SPDYE5: variants seen among roughly 807,000 people sequenced by gnomAD.
SPDYE5 encodes speedy protein E5.
Under a neutral mutation model 48.5 loss-of-function variants are expected in SPDYE5, and 15 were observed. That is an observed-to-expected ratio of 0.31 (90% CI 0.21 to 0.48). The LOEUF (loss-of-function observed/expected upper bound fraction) is 0.48, where lower values mean the gene tolerates loss of function less well. Ranked by LOEUF, SPDYE5 falls within the 20% of genes least tolerant of loss-of-function variation. SPDYE5 has a pLI of 0.99. For synonymous variants in SPDYE5, 116 were observed against 200.7 expected (o/e 0.58, Z 3.57); for missense variants, 331 against 549.1 (o/e 0.60, Z 3.97).
intron 6 of SPDYE5, 100 bp from the exon 7 acceptor site, chr7:75,501,260 TGA>T: frequency 6.4e-7 from 1 of 1,561,304 alleles, no homozygotes; most frequent in South Asian, 1.2e-5. Flanking sequence ...GTGCCAGTCC[TGA>T]GCTAGGGACG....
At chr7:75,494,436 A>C (rs1197484408) in intron 2 of SPDYE5, among the ~76,000 whole-genome samples, 6 of 151,032 alleles carry the variant, frequency 4.0e-5, no homozygotes, top group Admixed American at 3.3e-4. Flanking sequence ...AATCCCAGCT[A>C]CTCAGGAGGC....
At chr7:75,498,899 C>A (rs1241048621) in intron 5 of SPDYE5, among the ~76,000 whole-genome samples, 3 of 151,820 alleles carry the variant, frequency 2.0e-5, no homozygotes, top group Admixed American at 1.3e-4. Flanking sequence ...AAGCTCCTGG[C>A]CCCTCTACTC....
At chr7:75,492,889 G>A (rs1792787976) in intron 1 of SPDYE5, among the ~76,000 whole-genome samples, 2 of 152,128 alleles carry the variant, frequency 1.3e-5, no homozygotes, top group Non-Finnish European at 2.9e-5. Context: ...TCTAACTCCT[G>A]GGCTCAAGTG....
Position 75,493,842 on chromosome 7 carries a change from T to C in SPDYE5, c.-206T>C. ...GAGATCAGCCTGGCAGTTACATGTGTTTTTTTTCAAACTGGTTGCCAGGTT... is the reference window on the plus strand; with the variant it reads ...GAGATCAGCCTGGCAGTTACATGTGCTTTTTTTCAAACTGGTTGCCAGGTT... On this transcript the variant is annotated 5_prime_UTR_variant, in exon 2 of 9. Coordinates refer to ENST00000625065, the MANE Select transcript of SPDYE5 (RefSeq NM_001306141.4). 9 of 1,438,894 alleles carry C rather than the reference T, an allele frequency of 6.3e-6. No individual in the cohort carries two copies. The highest frequency in any genetic ancestry group is 7.3e-6 in the Non-Finnish European group (8 of 1,101,962). 89.1% of individuals were successfully genotyped at this position (1,438,894 alleles called of 1,614,324 possible).
Position 75,503,428 on chromosome 7 carries a change from ATTTTC to A in SPDYE5, c.*647_*651del, listed in dbSNP as rs1265286975. The A allele has an allele frequency of 6.5e-6, 1 of 153,470 alleles. No individual in the cohort carries two copies. Among genetic ancestry groups the A allele is most frequent in the African/African-American group, 2.4e-5 (1 of 41,500 alleles). The allele number at this position is 153,470 out of a possible 1,614,324, so 9.5% of individuals were successfully genotyped here. A position where few individuals can be genotyped will look rare whatever the true frequency, so the allele number is the denominator to read the frequency against. ...TAGTTGTTATATATACATAAAGATA[ATTTTC>A]TTTTCATTTTTAAGAGACAATTCTT... On this transcript the variant is annotated 3_prime_UTR_variant, in exon 9 of 9. Coordinates refer to ENST00000625065, the MANE Select transcript of SPDYE5 (RefSeq NM_001306141.4).
In SPDYE5 at chr7:75,504,173, T is replaced by C. The variant is rs587645358; in HGVS notation, c.*1386T>C. On this transcript the variant is annotated 3_prime_UTR_variant, in exon 9 of 9. Coordinates refer to ENST00000625065, the MANE Select transcript of SPDYE5 (RefSeq NM_001306141.4). ...AATTCAGGTGTAATTTTTTACCTTG[T>C]TTTGGCATGTTTGTATGTTACTTTA... 1 of 152,288 alleles carries C rather than the reference T, an allele frequency of 6.6e-6. No individual in the cohort carries two copies. The highest frequency in any genetic ancestry group is 2.4e-5 in the African/African-American group (1 of 41,556). The allele number at this position is 152,288 out of a possible 1,614,324, so 9.4% of individuals were successfully genotyped here. A position where few individuals can be genotyped will look rare whatever the true frequency, so the allele number is the denominator to read the frequency against.
chr7:75,495,368 C>A lies in SPDYE5; in HGVS notation c.373C>A (p.Gln125Lys), dbSNP rs782308140. ...TGAGCACCACAAGGGCTTCAACAGT[C>A]AGCTTGGTAGGAGGACACCCCAGAG... Reference protein sequence around the residue: ...LPEHHKGFNSQLAPGVDPSPP... With the variant: ...LPEHHKGFNSKLAPGVDPSPP... The change falls in exon 3 of 9, where the codon CAG becomes AAG. Residue 125 changes from glutamine to lysine, a missense_variant. Gln to Lys is a moderately conservative substitution (Grantham distance 53, BLOSUM62 1). Around this residue, in one of 8 missense-constraint regions of SPDYE5, gnomAD observed 65 missense variants for 138.2 expected, o/e 0.47. Transcript: ENST00000625065. The A allele has an allele frequency of 3.1e-6, 5 of 1,597,484 alleles. No homozygotes were observed. Among genetic ancestry groups the A allele is most frequent in the Non-Finnish European group, 4.2e-6 (5 of 1,179,900 alleles).
upstream of SPDYE5, among the ~76,000 whole-genome samples, chr7:75,491,845 TG>T (rs1164684619): frequency 1.8e-4 from 27 of 151,200 alleles, no homozygotes; most frequent in African/African-American, 6.3e-4. Flanking sequence ...CCTAAGTAGC[TG>T]GGATTACAGA....
Position 75,494,150 on chromosome 7 carries a change from A to G in SPDYE5, c.103A>G (p.Ser35Gly). 1 of 1,535,302 alleles carries G rather than the reference A, an allele frequency of 6.5e-7. No homozygotes were observed. ...QPQNEQSPQR[S>G]TSGYPLQEVV... ...CCAGAATGAGCAGAGTCCCCAGCGG[A>G]GCACCTCGGGGTACCCCCTCCAGGA... The change falls in exon 2 of 9, where the codon AGC becomes GGC. Residue 35 changes from serine (S) to glycine (G), a missense_variant. Physicochemically the swap from Ser to Gly is moderately conservative, Grantham distance 56. Transcript: ENST00000625065.
chr7:75,501,390 G>A lies in SPDYE5; in HGVS notation c.784G>A (p.Asp262Asn), dbSNP rs1793148173. The change falls in exon 7 of 9, where the codon GAC becomes AAC. Residue 262 changes from aspartate (D) to asparagine (N), a missense_variant. By Grantham distance (23) the Asp-to-Asn change is conservative (BLOSUM62 1). Around this residue, in one of 8 missense-constraint regions of SPDYE5, gnomAD observed 70 missense variants for 87.6 expected, o/e 0.80. Coordinates refer to ENST00000625065, the MANE Select transcript of SPDYE5 (RefSeq NM_001306141.4). ...LYLANDMEED[D>N]EDSKQNIFHF... ...CCTGGCCAATGACATGGAGGAGGAC[G>A]ACGAGGACTCCAAACAAAACATCTT... The A allele has an allele frequency of 2.5e-6, 4 of 1,612,268 alleles. No individual in the cohort carries two copies. Among genetic ancestry groups the A allele is most frequent in the South Asian group, 2.2e-5 (2 of 91,004 alleles).
intron 8 of SPDYE5, among the ~76,000 whole-genome samples, chr7:75,502,367 G>T (rs1270442462): frequency 6.6e-6 from 1 of 151,946 alleles, no homozygotes; most frequent in Non-Finnish European, 1.5e-5. Flanking sequence ...TACATCTTGT[G>T]CAGCTAACCA....
chr7:75,499,032 C>A (rs1793045866), intron 5 of SPDYE5, among the ~76,000 whole-genome samples, 199 bp from the exon 6 acceptor site: 2 of 148,434 alleles, frequency 1.3e-5, no homozygotes, highest in Non-Finnish European at 3.0e-5. Flanking sequence ...CACCCAAAAC[C>A]CTTCCTCTGG....
chr7:75,492,939 G>A (rs1336931318), intron 1 of SPDYE5, among the ~76,000 whole-genome samples: 1 of 152,076 alleles, frequency 6.6e-6, no homozygotes, highest in Admixed American at 6.6e-5. Flanking sequence ...TGGAACACAG[G>A]TGCCAGCCAC....
At chr7:75,496,496 G>A (rs1356117881) in intron 3 of SPDYE5, among the ~76,000 whole-genome samples, 178 bp from the exon 4 acceptor site, 3 of 144,748 alleles carry the variant, frequency 2.1e-5, no homozygotes, top group African/African-American at 8.1e-5. Context: ...GGGAGAATGG[G>A]GAGGAGAAGG....
At chr7:75,502,310 G>T (rs1230697045) in intron 8 of SPDYE5, among the ~76,000 whole-genome samples, 1 of 149,878 alleles carries the variant, frequency 6.7e-6, no homozygotes, top group East Asian at 2.0e-4. Flanking sequence ...TATGATTGAT[G>T]CACTTGAGTT....
chr7:75,492,326 G>A lies in SPDYE5; in HGVS notation c.-537G>A, dbSNP rs1161012287. On this transcript the variant is annotated 5_prime_UTR_variant, in exon 1 of 9. An upstream start codon of the reference 5' UTR is lost. Coordinates refer to ENST00000625065, the MANE Select transcript of SPDYE5 (RefSeq NM_001306141.4). ...CAGAAAAGCAGAGCTTCCTAACAAT[G>A]GGACTTCCACAGCAATGGGATCTGC... Among the ~76,000 whole-genome samples, 1 of 152,070 alleles carries A rather than the reference G, an allele frequency of 6.6e-6. No homozygotes were observed. The highest frequency in any genetic ancestry group is 1.5e-5 in the Non-Finnish European group (1 of 68,028).
In SPDYE5 at chr7:75,499,765, T is replaced by TCAAA. The variant is rs1554483149; in HGVS notation, c.755+450_755+453dup. On this transcript the variant is annotated intron_variant, in intron 6 of 8. Transcript: ENST00000625065. ...CTGGGTGACAGAGTGAGACTTTTTC[T>TCAAA]CAAAAAAAAAAAAAAAAAAAAAAAA... Among the ~76,000 whole-genome samples the TCAAA allele has an allele frequency of 2.6e-3, 23 of 8,788 alleles. 7 individuals are homozygous for TCAAA. The highest frequency in any genetic ancestry group is 4.5e-3 in the Non-Finnish European group (18 of 4,040). The allele number at this position is 8,788 out of a possible 152,430, so 5.8% of individuals were successfully genotyped here.
chr7:75,496,290 G>T (rs1554482511), intron 3 of SPDYE5, among the ~76,000 whole-genome samples: 1 of 148,586 alleles, frequency 6.7e-6, no homozygotes, highest in African/African-American at 2.5e-5. Context: ...GGGAGGCTTA[G>T]GCAGGAGAAT....
At chr7:75,499,020 A>G (rs1246879072) in intron 5 of SPDYE5, among the ~76,000 whole-genome samples, 24 of 146,556 alleles carry the variant, frequency 1.6e-4, no homozygotes, top group African/African-American at 5.7e-4. Context: ...TCCTGGGAGC[A>G]TCACCCAAAA....
Sources: allele counts gnomAD v4.1 joint callset (sites outside exome capture counted in the v4.1 genomes callset), GRCh38; gene constraint gnomAD v4.1.1; regional missense constraint gnomAD v4.1.1; transcripts MANE v1.5; gene names NCBI Gene and HGNC (gene_info 2026-07-23, HGNC 2026-07-21).